TARS3: variants seen among roughly 807,000 people sequenced by gnomAD.
The protein encoded by TARS3 is threonine--tRNA ligase 2, cytoplasmic.
Under a neutral mutation model 103.5 loss-of-function variants are expected in TARS3, and 94 were observed. The ratio of observed to expected loss-of-function variants is 0.91; its 90% CI spans 0.77 to 1.08. The LOEUF is 1.08. Among genes scored for constraint, TARS3 ranks in the 50% least tolerant of loss-of-function variants. TARS3 has a pLI of 0.00. For missense variants in TARS3, 952 were observed against 995.2 expected, an observed-to-expected ratio of 0.96 and a Z score of 0.58; for synonymous variants, 416 against 355.4, an observed-to-expected ratio of 1.17 and a Z score of -1.92.
intron 15 of TARS3, among the ~76,000 whole-genome samples, chr15:101,662,134 A>G (rs745710614): frequency 2.0e-5 from 3 of 152,154 alleles, no homozygotes; most frequent in Admixed American, 6.6e-5. Flanking sequence ...ATGCACCCCC[A>G]TTCTTGCCAC....
chr15:101,721,055 T>C, intron 3 of TARS3, 71 bp downstream of exon 3: 3 of 1,368,878 alleles, frequency 2.2e-6, no homozygotes, highest in East Asian at 4.6e-5. Flanking sequence ...TAGCGGTCCC[T>C]AAGAAAACAT....
Position 101,724,163 on chromosome 15 carries a change from G to A in TARS3, c.225C>T (p.Leu75=). ...TGGCCTGGCGGCTCCGCTCCTCGGC[G>A]AGGCACAGCCGCAGGCTGCACAGGC... ...RHRLCSLRLC[L]AEERSRQATL... The change falls in exon 1 of 19, where the codon CTC becomes CTT. Residue 75 remains leucine (L), a synonymous_variant. Transcript: ENST00000335968. 1 of 1,483,606 alleles carries A rather than the reference G, an allele frequency of 6.7e-7. No individual in the cohort carries two copies. Among genetic ancestry groups the A allele is most frequent in the Non-Finnish European group, 8.9e-7 (1 of 1,118,792 alleles). 91.9% of individuals were successfully genotyped at this position (1,483,606 alleles called of 1,614,324 possible).
chr15:101,708,013 G>C (rs1029365019), intron 6 of TARS3, among the ~76,000 whole-genome samples: 1 of 152,066 alleles, frequency 6.6e-6, no homozygotes, highest in Non-Finnish European at 1.5e-5. Context: ...GGAGGCTGAG[G>C]GGGGTAGATC....
chr15:101,670,603 A>G (rs1335393914), intron 15 of TARS3, among the ~76,000 whole-genome samples: 3 of 152,206 alleles, frequency 2.0e-5, no homozygotes, highest in Non-Finnish European at 2.9e-5. Context: ...GCTCTGGAAA[A>G]CAGTTTGGCA....
intron 12 of TARS3, among the ~76,000 whole-genome samples, chr15:101,676,267 TTTTTG>T (rs531788618): frequency 5.9e-5 from 9 of 151,686 alleles, no homozygotes; most frequent in East Asian, 3.9e-4. Flanking sequence ...CAATGAAGGG[TTTTTG>T]TTTTGTTTTG....
Position 101,714,852 on chromosome 15 carries a change from C to T in TARS3, c.678G>A (p.Glu226=), listed in dbSNP as rs762471555. 2.1e-5 allele frequency: 33 copies of T among 1,605,494 alleles called. No individual in the cohort carries two copies. The highest frequency in any genetic ancestry group is 5.0e-5 in the Admixed American group (3 of 59,444). Residue 226 remains glutamate (E), a synonymous_variant, in exon 4 of 19, where the codon GAG becomes GAA. Transcript: ENST00000335968. ...TTTAAATACTCACAGCTTGAGCTTC[C>T]TCATTATCAAATGTAAGCAGCTCTA... ...SSLELLTFDN[E]EAQAVYWHSS... is the part of the protein sequence containing the mutation.
intron 4 of TARS3, among the ~76,000 whole-genome samples, chr15:101,712,622 G>C (rs1368613649): frequency 2.6e-5 from 4 of 152,182 alleles, no homozygotes; most frequent in African/African-American, 9.7e-5. Context: ...ATTAGCCACA[G>C]TCCAGAGCCC....
At chr15:101,710,616 G>A (rs1440216205) in intron 5 of TARS3, among the ~76,000 whole-genome samples, 1 of 152,200 alleles carries the variant, frequency 6.6e-6, no homozygotes, top group African/African-American at 2.4e-5. Flanking sequence ...TTTGAGATAA[G>A]AATTGTTGTA....
chr15:101,716,789 A>C (rs1180818291), intron 3 of TARS3, among the ~76,000 whole-genome samples: 1 of 152,114 alleles, frequency 6.6e-6, no homozygotes. Flanking sequence ...CAGAGTTACA[A>C]GAGTATCTTG....
chr15:101,724,337 C>A lies in TARS3; in HGVS notation c.51G>T (p.Arg17=). 1.3e-6 allele frequency: 2 copies of A among 1,561,004 alleles called. No homozygotes were observed. Among genetic ancestry groups the A allele is most frequent in the Non-Finnish European group, 1.7e-6 (2 of 1,160,272 alleles). ...AAEAVASRLE[R]QEEDIRWLWS... is the part of the protein sequence containing the mutation. ...ACAGCCAGCGGATGTCCTCCTCCTGCCGCTCCAGGCGCGACGCCACGGCCT... is the reference window on the plus strand; with the variant it reads ...ACAGCCAGCGGATGTCCTCCTCCTGACGCTCCAGGCGCGACGCCACGGCCT... Residue 17 remains arginine, a synonymous_variant, in exon 1 of 19, where the codon CGG becomes CGT. Transcript: ENST00000335968.
chr15:101,712,816 A>G (rs1899934392), intron 4 of TARS3, among the ~76,000 whole-genome samples: 1 of 152,252 alleles, frequency 6.6e-6, no homozygotes, highest in Non-Finnish European at 1.5e-5. Context: ...GCAAGTTACA[A>G]TTAAAAAGCT....
rs76825501 is a variant in TARS3 at position 101,713,227 on chromosome 15, A to G, written c.691-1226T>C. On this transcript the variant is annotated intron_variant, in intron 4 of 18. Transcript: ENST00000335968. ...GGCTCTGTAATATAGAAAAATGGTGAGTGTCCTGCATTCATGGGGACTCGG... is the reference window on the plus strand; with the variant it reads ...GGCTCTGTAATATAGAAAAATGGTGGGTGTCCTGCATTCATGGGGACTCGG... Among the ~76,000 whole-genome samples the G allele has an allele frequency of 3.3e-4, 50 of 152,288 alleles. No individual in the cohort carries two copies. The East Asian group carries it at 9.1e-3, about 28-fold the overall frequency.
At chr15:101,697,397 ACCC>A (rs769405858) in intron 10 of TARS3, among the ~76,000 whole-genome samples, 3 of 152,190 alleles carry the variant, frequency 2.0e-5, no homozygotes, top group Non-Finnish European at 4.4e-5. Flanking sequence ...CAGAAAGGGT[ACCC>A]AAAGAACTCA....
intron 16 of TARS3, among the ~76,000 whole-genome samples, chr15:101,660,482 G>C (rs1351755018): frequency 6.6e-6 from 1 of 152,226 alleles, no homozygotes; most frequent in African/African-American, 2.4e-5. Context: ...AAGCACTGTT[G>C]TGTTCCTGGC....
At chr15:101,710,393 C>T (rs1194534955) in intron 5 of TARS3, among the ~76,000 whole-genome samples, 1 of 152,174 alleles carries the variant, frequency 6.6e-6, no homozygotes, top group Non-Finnish European at 1.5e-5. Context: ...CATGGGAACT[C>T]CCGATTTGTA....
intron 10 of TARS3, among the ~76,000 whole-genome samples, chr15:101,700,643 CTTTT>C (rs756944000): frequency 1.8e-4 from 26 of 145,110 alleles, no homozygotes; most frequent in African/African-American, 5.8e-4. Context: ...TAGTACCTCA[CTTTT>C]TTTTTTTTTT....
At chr15:101,684,368 T>C (rs961573284) in intron 11 of TARS3, 131 bp from the exon 12 acceptor site, 6 of 851,262 alleles carry the variant, frequency 7.0e-6, no homozygotes, top group South Asian at 5.7e-5. Flanking sequence ...ATCACCAGGT[T>C]AAAAAAAAAA....
intron 12 of TARS3, among the ~76,000 whole-genome samples, chr15:101,679,689 A>T (rs1898178723): frequency 6.6e-6 from 1 of 152,106 alleles, no homozygotes; most frequent in African/African-American, 2.4e-5. Flanking sequence ...ATGATGAGTG[A>T]TTTTCAATTT....
Position 101,702,362 on chromosome 15 carries a change from G to A in TARS3, c.1098C>T (p.Gly366=), listed in dbSNP as rs896949614. The A allele has an allele frequency of 1.2e-6, 2 of 1,613,592 alleles. No homozygotes were observed. Among genetic ancestry groups the A allele is most frequent in the Admixed American group, 1.7e-5 (1 of 59,974 alleles). ...IFKNSSTYWE[G]NPEMETLQRI... is the part of the protein sequence containing the mutation. ...TCTGCAATGTTTCCATTTCCGGATTGCCCTCCCAATATGTTGAGGAATTCT... is the reference window on the plus strand; with the variant it reads ...TCTGCAATGTTTCCATTTCCGGATTACCCTCCCAATATGTTGAGGAATTCT... The change falls in exon 9 of 19, where the codon GGC becomes GGT. Residue 366 remains glycine, a synonymous_variant. Coordinates refer to ENST00000335968, the MANE Select transcript of TARS3 (RefSeq NM_152334.3).
Sources: allele counts gnomAD v4.1 joint callset (sites outside exome capture counted in the v4.1 genomes callset), GRCh38; gene constraint gnomAD v4.1.1; transcripts MANE v1.5; gene names NCBI Gene and HGNC (gene_info 2026-07-23, HGNC 2026-07-21).